Variants in STARD13 observed in about 807,000 individuals in gnomAD.
STARD13 encodes StAR related lipid transfer domain containing 13, also known as stAR-related lipid transfer protein 13.
Under a neutral mutation model 106.4 loss-of-function variants are expected in STARD13, and 62 were observed. The observed-to-expected ratio is 0.58, with a 90% CI of 0.48 to 0.72. STARD13 has a LOEUF of 0.72. STARD13 is among the 30% of genes least tolerant of loss of function. The probability of loss-of-function intolerance (pLI) is 0.00; values close to 1 mark genes in which losing one functional copy is unlikely to be tolerated. For missense variants in STARD13, 1,387 were observed against 1,424.0 expected (o/e 0.97, Z 0.42); for synonymous variants, 565 against 553.0 (o/e 1.02, Z -0.31).
the STARD13 span, among the ~76,000 whole-genome samples, chr13:33,542,602 C>G: frequency 6.6e-6 from 1 of 152,228 alleles, no homozygotes; most frequent in Non-Finnish European, 1.5e-5. Flanking sequence ...CACCAGCAAC[C>G]AGGGCCCGCT....
At chr13:33,339,815 G>A (rs892393966) in intron 1 of STARD13, among the ~76,000 whole-genome samples, 12 of 152,082 alleles carry the variant, frequency 7.9e-5, no homozygotes, top group Admixed American at 7.2e-4. Flanking sequence ...GGCTGGGCAC[G>A]GTGGCTCATG....
At chr13:33,674,602 T>C in the STARD13 span, among the ~76,000 whole-genome samples, 1 of 152,192 alleles carries the variant, frequency 6.6e-6, no homozygotes, top group African/African-American at 2.4e-5. Flanking sequence ...GGCATTCCTA[T>C]GCTGAGAAAT....
the STARD13 span, among the ~76,000 whole-genome samples, chr13:33,594,317 T>C: frequency 0.22 from 34,122 of 152,036 alleles, 4,869 homozygotes; most frequent in East Asian, 0.39. Flanking sequence ...CTAAATGCCA[T>C]CAGAGGTCTT....
the STARD13 span, among the ~76,000 whole-genome samples, chr13:33,659,310 G>A: frequency 6.7e-6 from 1 of 149,924 alleles, no homozygotes; most frequent in African/African-American, 2.5e-5. Flanking sequence ...CTGCCTCCCG[G>A]GTTCAAGCAA....
intron 1 of STARD13, among the ~76,000 whole-genome samples, chr13:33,322,265 C>T (rs953910071): frequency 6.6e-6 from 1 of 152,136 alleles, no homozygotes; most frequent in Non-Finnish European, 1.5e-5. Context: ...GTCCTCAGAA[C>T]GTACACGATG....
In STARD13 at chr13:33,131,447, C is replaced by A. The variant is rs535244237; in HGVS notation, c.388-1158G>T. 3.4e-5 allele frequency among the ~76,000 whole-genome samples: 5 copies of A among 145,334 alleles called. No homozygotes were observed. In the South Asian group the frequency reaches 6.6e-4, roughly 19 times the overall value. ...ATCGAATCATATGATTTTTTTTTTT[C>A]AGCTTAGAAGCCTTCTGCTTGAAAG... is the stretch of plus-strand genomic sequence containing the variant. On this transcript the variant is annotated intron_variant, in intron 4 of 13. Transcript: ENST00000336934.
chr13:33,669,179 G>C, the STARD13 span, among the ~76,000 whole-genome samples: 1 of 152,148 alleles, frequency 6.6e-6, no homozygotes, highest in African/African-American at 2.4e-5. Context: ...TAGGACTAAA[G>C]ACTCAGCCTT....
At chr13:33,509,513 C>T in the STARD13 span, among the ~76,000 whole-genome samples, 2 of 152,306 alleles carry the variant, frequency 1.3e-5, no homozygotes, top group East Asian at 1.9e-4. Flanking sequence ...AGGAATTCCA[C>T]CACTGAGGGG....
chr13:33,546,600 A>G, the STARD13 span, among the ~76,000 whole-genome samples: 20 of 151,944 alleles, frequency 1.3e-4, no homozygotes. Flanking sequence ...TTTAATGACC[A>G]TGCTCCCTTG....
At chr13:33,207,224 C>T (rs1157973547) in intron 1 of STARD13, among the ~76,000 whole-genome samples, 1 of 152,130 alleles carries the variant, frequency 6.6e-6, no homozygotes, top group Non-Finnish European at 1.5e-5. Flanking sequence ...TTGAACTCCA[C>T]AGTGAGGGAG....
At chr13:33,325,278 T>C in intron 1 of STARD13, among the ~76,000 whole-genome samples, 1 of 152,164 alleles carries the variant, frequency 6.6e-6, no homozygotes, top group East Asian at 1.9e-4. Context: ...AATCCTAAAA[T>C]GGCTGGCATG....
chr13:33,539,005 G>A, the STARD13 span, among the ~76,000 whole-genome samples: 1 of 152,122 alleles, frequency 6.6e-6, no homozygotes, highest in African/African-American at 2.4e-5. Context: ...TCCTGACCTT[G>A]TGATCCGCCC....
At chr13:33,503,362 T>A in the STARD13 span, among the ~76,000 whole-genome samples, 5 of 152,306 alleles carry the variant, frequency 3.3e-5, no homozygotes, top group Non-Finnish European at 7.3e-5. Context: ...TTTGAAGGGT[T>A]TTTTGTGTCT....
chr13:33,252,657 C>T (rs966349902), intron 1 of STARD13, among the ~76,000 whole-genome samples: 4 of 152,170 alleles, frequency 2.6e-5, no homozygotes, highest in Admixed American at 6.5e-5. Flanking sequence ...ACTTGAATTA[C>T]GGAAGAATTG....
intron 1 of STARD13, among the ~76,000 whole-genome samples, chr13:33,309,625 C>T (rs1893055563): frequency 6.6e-6 from 1 of 152,176 alleles, no homozygotes; most frequent in African/African-American, 2.4e-5. Flanking sequence ...TGAATGAGAA[C>T]CCTATAAAGC....
chr13:33,480,297 C>T, the STARD13 span, among the ~76,000 whole-genome samples: 1 of 151,976 alleles, frequency 6.6e-6, no homozygotes, highest in Non-Finnish European at 1.5e-5. Context: ...TAATATCTTA[C>T]AGAATTATAG....
intron 1 of STARD13, among the ~76,000 whole-genome samples, chr13:33,183,831 A>G (rs1161869384): frequency 5.3e-5 from 8 of 152,108 alleles, no homozygotes; most frequent in Admixed American, 5.2e-4. Context: ...AGGAAACCCA[A>G]TTCCCCCAGG....
intron 4 of STARD13, among the ~76,000 whole-genome samples, chr13:33,140,118 G>T (rs1474041995): frequency 6.6e-6 from 1 of 152,208 alleles, no homozygotes; most frequent in Non-Finnish European, 1.5e-5. Context: ...TTTTGTGGAG[G>T]TAACGCACAA....
the STARD13 span, among the ~76,000 whole-genome samples, chr13:33,667,426 C>G: frequency 6.6e-6 from 1 of 152,234 alleles, no homozygotes; most frequent in Admixed American, 6.5e-5. Context: ...TTTGCTCTCT[C>G]AGAACTCATG....
Sources: gnomAD v4.1 joint callset for allele counts (sites outside exome capture counted in the v4.1 genomes callset) on GRCh38, gnomAD v4.1.1 for gene constraint, MANE v1.5 for transcripts, NCBI Gene and HGNC (gene_info 2026-07-23, HGNC 2026-07-21) for gene names.